TRHDE: variants seen among roughly 807,000 people sequenced by gnomAD.
TRHDE encodes the protein thyrotropin releasing hormone degrading enzyme.
A neutral mutation model predicts 125.7 loss-of-function variants in TRHDE; 72 were observed. That is an observed-to-expected ratio of 0.57 (90% CI 0.47 to 0.70). The LOEUF (loss-of-function observed/expected upper bound fraction) is 0.70, where lower values mean the gene tolerates loss of function less well. Ranked by LOEUF, TRHDE falls within the 30% of genes least tolerant of loss-of-function variation. The probability of loss-of-function intolerance (pLI) is 0.00; values close to 1 mark genes in which losing one functional copy is unlikely to be tolerated. For synonymous variants in TRHDE, 509 were observed against 509.1 expected, an observed-to-expected ratio of 1.00 and a Z score of 0.00; for missense variants, 1,110 against 1,327.1, an observed-to-expected ratio of 0.84 and a Z score of 2.54.
chr12:72,384,608 T>A (rs1872332590), intron 3 of TRHDE, among the ~76,000 whole-genome samples: 1 of 152,084 alleles, frequency 6.6e-6, no homozygotes, highest in African/African-American at 2.4e-5. Context: ...AGAGGCCATT[T>A]TGAGAATTGT....
rs527592689 is a variant in TRHDE at position 72,118,430 on chromosome 12, T to C, written n.279+12678T>C. Among the ~76,000 whole-genome samples, 4 of 152,338 alleles carry C rather than the reference T, an allele frequency of 2.6e-5. No homozygotes were observed. In the East Asian group the frequency reaches 7.7e-4, roughly 29 times the overall value. ...ACTTGATTATGATGAATAATCTTTT[T>C]AGTGTGTTGTTGAATTAGATTTGCT... On this transcript the variant is annotated intron_variant and non_coding_transcript_variant, in intron 2 of 4. Transcript: ENST00000548156.
rs543161255 is a variant in TRHDE, at chr12:72,507,875, C to A, written c.1722+8240C>A. 2.0e-5 allele frequency among the ~76,000 whole-genome samples: 3 copies of A among 152,350 alleles called. No homozygotes were observed. The South Asian group carries it at 6.2e-4, about 32-fold the overall frequency. On this transcript the variant is annotated intron_variant, in intron 6 of 18. Transcript: ENST00000261180. ...ATGCCCATAGCCCTGCTGCTCTGTG[C>A]AGTCTTGGGACATGGCACCCTGCAT... is the stretch of plus-strand genomic sequence containing the variant.
intron 5 of TRHDE, among the ~76,000 whole-genome samples, chr12:72,482,585 T>C (rs771457670): frequency 3.3e-5 from 5 of 151,984 alleles, no homozygotes; most frequent in Non-Finnish European, 7.4e-5. Context: ...CTTGCTTCTT[T>C]CCCTAAATAT....
intron 2 of TRHDE, among the ~76,000 whole-genome samples, chr12:72,233,790 A>G (rs2139375706): frequency 6.6e-6 from 1 of 152,310 alleles, no homozygotes; most frequent in Non-Finnish European, 1.5e-5. Flanking sequence ...TATTGTTTCC[A>G]AATGCTTGGC....
chr12:72,410,868 GATA>G (rs1873466177), intron 3 of TRHDE, among the ~76,000 whole-genome samples: 1 of 133,740 alleles, frequency 7.5e-6, no homozygotes, highest in Non-Finnish European at 1.6e-5. Flanking sequence ...AAGATAAGCA[GATA>G]AAAAAAAAAA....
chr12:72,216,259 G>T (rs1482319541), intron 2 of TRHDE, among the ~76,000 whole-genome samples: 1 of 152,168 alleles, frequency 6.6e-6, no homozygotes, highest in Non-Finnish European at 1.5e-5. Context: ...TGGAATTCAT[G>T]TGTAGTTACT....
chr12:72,398,667 T>C (rs543599190), intron 3 of TRHDE, among the ~76,000 whole-genome samples: 3 of 152,324 alleles, frequency 2.0e-5, no homozygotes, highest in African/African-American at 7.2e-5. Flanking sequence ...TGAACAACTT[T>C]TCAATTACTT....
chr12:72,238,315 T>TATATACACACATATAC (rs1878392973), intron 2 of TRHDE, among the ~76,000 whole-genome samples: 4 of 32,024 alleles, frequency 1.2e-4, no homozygotes, highest in African/African-American at 4.8e-4. Context: ...TATATATATA[T>TATATACACACATATAC]ATATATACAT....
At chr12:72,327,485 C>T (rs895464979) in intron 2 of TRHDE, among the ~76,000 whole-genome samples, 1 of 152,078 alleles carries the variant, frequency 6.6e-6, no homozygotes, top group African/African-American at 2.4e-5. Context: ...GGAATCATTA[C>T]AATTAAATGG....
rs542380087 is a variant in TRHDE, at chr12:72,478,693, T to C, written c.1584+5513T>C. Among the ~76,000 whole-genome samples, 8 of 152,122 alleles carry C rather than the reference T, an allele frequency of 5.3e-5. No homozygotes were observed. In the East Asian group the frequency reaches 1.2e-3, roughly 22 times the overall value. On this transcript the variant is annotated intron_variant, in intron 5 of 18. Transcript: ENST00000261180. ...TACAAGGAGGATATAAGAGCAGCAA[T>C]GAGAGCAGCAGCTAATGCCATTAAA...
intron 2 of TRHDE, among the ~76,000 whole-genome samples, chr12:72,309,915 T>C (rs1000893772): frequency 6.6e-6 from 1 of 152,180 alleles, no homozygotes; most frequent in Non-Finnish European, 1.5e-5. Flanking sequence ...AAGAACATTT[T>C]ATTTTCTCTG....
chr12:72,128,609 G>T (rs535021392), intron 2 of TRHDE, among the ~76,000 whole-genome samples: 1 of 152,252 alleles, frequency 6.6e-6, no homozygotes, highest in Admixed American at 6.5e-5. Context: ...AACTTTTAGG[G>T]TTTAAAACTA....
chr12:72,564,043 A>G (rs552349279), intron 9 of TRHDE, among the ~76,000 whole-genome samples: 15 of 152,294 alleles, frequency 9.8e-5, no homozygotes, highest in African/African-American at 3.4e-4. Context: ...CAGTCACTCA[A>G]TCTAAGTGAC....
intron 2 of TRHDE, among the ~76,000 whole-genome samples, chr12:72,293,112 T>G (rs1880151498): frequency 6.6e-6 from 1 of 152,190 alleles, no homozygotes; most frequent in African/African-American, 2.4e-5. Context: ...GGGGCTGTCA[T>G]CTGGGGCATC....
At chr12:72,561,378 A>C (rs1870169273) in intron 7 of TRHDE, among the ~76,000 whole-genome samples, 1 of 152,354 alleles carries the variant, frequency 6.6e-6, no homozygotes, top group African/African-American at 2.4e-5. Context: ...AGGGACTTTT[A>C]CAATATAACA....
chr12:72,398,248 A>G (rs1021306037), intron 3 of TRHDE, among the ~76,000 whole-genome samples: 3 of 151,646 alleles, frequency 2.0e-5, no homozygotes, highest in Non-Finnish European at 2.9e-5. Context: ...GGACATTTGG[A>G]TTGGTTCCAA....
At chr12:72,301,719 C>T (rs1343952756) in intron 2 of TRHDE, among the ~76,000 whole-genome samples, 1 of 152,098 alleles carries the variant, frequency 6.6e-6, no homozygotes, top group African/African-American at 2.4e-5. Context: ...AGTACAGTGC[C>T]TATCAAAGTG....
chr12:72,465,792 T>C (rs1329729291), intron 3 of TRHDE, among the ~76,000 whole-genome samples: 3 of 152,200 alleles, frequency 2.0e-5, no homozygotes, highest in Non-Finnish European at 4.4e-5. Flanking sequence ...TAAAAATACT[T>C]CTCCATAGTT....
intron 13 of TRHDE, among the ~76,000 whole-genome samples, chr12:72,620,683 C>A (rs1873015614): frequency 6.6e-6 from 1 of 152,020 alleles, no homozygotes; most frequent in Non-Finnish European, 1.5e-5. Context: ...TTGGTTGGGC[C>A]AACATAGTAG....
Sources: allele counts gnomAD v4.1 joint callset (sites outside exome capture counted in the v4.1 genomes callset), GRCh38; gene constraint gnomAD v4.1.1; transcripts MANE v1.5; gene names NCBI Gene and HGNC (gene_info 2026-07-23, HGNC 2026-07-21).